RFX2: variants seen among roughly 807,000 people sequenced by gnomAD.
RFX2 encodes regulatory factor X2.
In RFX2, 20 loss-of-function variants were observed where a neutral mutation model predicts 87.8. That is an observed-to-expected ratio of 0.23 (90% CI 0.16 to 0.33). The LOEUF (loss-of-function observed/expected upper bound fraction) is 0.33, where lower values mean the gene tolerates loss of function less well. Among genes scored for constraint, RFX2 ranks in the 10% least tolerant of loss-of-function variants. The pLI, the probability that RFX2 is intolerant of heterozygous loss-of-function variation, is 1.00. For missense variants in RFX2, 767 were observed against 1,012.3 expected (o/e 0.76, Z 3.29); for synonymous variants, 397 against 431.3 (o/e 0.92, Z 0.98).
In RFX2 at chr19:6,001,092, T is replaced by C. The variant is rs1468212005; in HGVS notation, c.1859+723A>G. Among the ~76,000 whole-genome samples the C allele has an allele frequency of 6.6e-6, 1 of 152,194 alleles. No individual in the cohort carries two copies. The highest frequency in any genetic ancestry group is 6.5e-5 in the Admixed American group (1 of 15,274). On this transcript the variant is annotated intron_variant, in intron 15 of 17. Coordinates refer to ENST00000303657, the MANE Select transcript of RFX2 (RefSeq NM_000635.4). The surrounding 1 kb of genome is among the most constrained non-coding windows in gnomAD (Gnocchi z 5.6). ...CTTGGAAATGATTTCCCTTCAGAGC[T>C]CTCAGGACATCGCTCTACTGCCTTC...
intron 6 of RFX2, among the ~76,000 whole-genome samples, chr19:6,025,365 C>T (rs746485177): frequency 5.9e-5 from 9 of 152,152 alleles, no homozygotes; most frequent in African/African-American, 1.2e-4. Context: ...AAATCCTAGA[C>T]GCTAAAATCT....
rs112541629 is a variant in RFX2, at chr19:6,094,675, G to A, written c.-9+15718C>T. 5.5e-3 allele frequency among the ~76,000 whole-genome samples: 838 copies of A among 152,124 alleles called. 9 individuals are homozygous for A. Among genetic ancestry groups the A allele is most frequent in the African/African-American group, 0.019 (789 of 41,478 alleles). ...TGAGCACCTGAAATGGGGCTGGTCC[G>A]AACTAACATTTCTAAGACTTAGCAC... On this transcript the variant is annotated intron_variant, in intron 1 of 17. Coordinates refer to ENST00000303657, the MANE Select transcript of RFX2 (RefSeq NM_000635.4).
At chr19:6,008,332 C>A (rs748485418) in intron 9 of RFX2, 108 bp from the exon 10 acceptor site, 1 of 539,690 alleles carries the variant, frequency 1.9e-6, no homozygotes, top group African/African-American at 1.9e-5. Flanking sequence ...TCTGCCCCAC[C>A]CCATGCAGTC....
At position 6,063,071 on chromosome 19, in the gene RFX2, C is replaced by G. The variant is rs2087460866; in HGVS notation, c.-8-15567G>C. On this transcript the variant is annotated intron_variant, in intron 1 of 17. Transcript: ENST00000303657. The surrounding 1 kb of genome is among the most constrained non-coding windows in gnomAD (Gnocchi z 4.0). Reference sequence around the variant, plus strand: ...CTGCTGTGTCTCGTATCCCTCCTGTCCTGCCGCTCTCGCTCTTGCTCCTAG... The same window carrying G: ...CTGCTGTGTCTCGTATCCCTCCTGTGCTGCCGCTCTCGCTCTTGCTCCTAG... Among the ~76,000 whole-genome samples the G allele has an allele frequency of 6.6e-6, 1 of 152,192 alleles. No homozygotes were observed. Among genetic ancestry groups the G allele is most frequent in the Non-Finnish European group, 1.5e-5 (1 of 68,032 alleles).
At chr19:6,018,969 C>T (rs1281825479) in intron 6 of RFX2, among the ~76,000 whole-genome samples, 2 of 152,236 alleles carry the variant, frequency 1.3e-5, no homozygotes, top group African/African-American at 4.8e-5. Flanking sequence ...TCACCTCCTC[C>T]TCAGCACCAG....
chr19:6,007,270 T>C lies in RFX2; in HGVS notation c.1248-104A>G, dbSNP rs2086596270. Reference sequence around the variant, plus strand: ...GGGCTGCGGGACTTTTGCCCAACAGTGGGGCTGGGGTTTTGCTCCCCATCC... The same window carrying C: ...GGGCTGCGGGACTTTTGCCCAACAGCGGGGCTGGGGTTTTGCTCCCCATCC... On this transcript the variant is annotated intron_variant, in intron 11 of 17. Transcript: ENST00000303657. This position sits in a 1 kb window ranked among gnomAD's most constrained non-coding sequence, Gnocchi z 8.2. 3 of 1,226,514 alleles carry C rather than the reference T, an allele frequency of 2.4e-6. No individual in the cohort carries two copies. The highest frequency in any genetic ancestry group is 2.2e-5 in the Admixed American group (1 of 44,898). 76.0% of individuals were successfully genotyped at this position (1,226,514 alleles called of 1,614,324 possible). A position where few individuals can be genotyped will look rare whatever the true frequency, so the allele number is the denominator to read the frequency against.
chr19:6,106,310 T>C (rs1006605807), intron 1 of RFX2, among the ~76,000 whole-genome samples: 2 of 152,078 alleles, frequency 1.3e-5, no homozygotes, highest in Non-Finnish European at 2.9e-5. Context: ...TATGTCTACA[T>C]GAGAGAACAT....
intron 1 of RFX2, among the ~76,000 whole-genome samples, chr19:6,102,369 T>G (rs1050146051): frequency 6.6e-6 from 1 of 152,204 alleles, no homozygotes; most frequent in Non-Finnish European, 1.5e-5. Flanking sequence ...AAATAGGCAA[T>G]GAATAAATGA....
intron 1 of RFX2, among the ~76,000 whole-genome samples, chr19:6,071,817 C>T (rs747142209): frequency 3.3e-5 from 5 of 152,178 alleles, no homozygotes; most frequent in African/African-American, 7.2e-5. Flanking sequence ...CAATTTAATA[C>T]AAAAGCTTGA....
In RFX2 at chr19:6,040,646, C is replaced by T. The variant is rs1004437246; in HGVS notation, c.261-405G>A. ...TGGTGGTGCGTGCCGGTAGTCCCAG[C>T]TACTCAGGAGGCTGAGGTGGGAGGA... On this transcript the variant is annotated intron_variant, in intron 4 of 17. Transcript: ENST00000303657. This position sits in a 1 kb window ranked among gnomAD's most constrained non-coding sequence, Gnocchi z 6.1. Among the ~76,000 whole-genome samples the T allele has an allele frequency of 1.2e-4, 18 of 152,136 alleles. No homozygotes were observed. The highest frequency in any genetic ancestry group is 2.9e-5 in the Non-Finnish European group (2 of 68,024).
At chr19:6,070,238 T>C (rs2087586297) in intron 1 of RFX2, among the ~76,000 whole-genome samples, 1 of 150,170 alleles carries the variant, frequency 6.7e-6, no homozygotes, top group Non-Finnish European at 1.5e-5. Flanking sequence ...TGGGATGGGA[T>C]GGGATGTGGA....
At chr19:6,031,423 CTTT>C (rs58834364) in intron 5 of RFX2, among the ~76,000 whole-genome samples, 4 of 90,178 alleles carry the variant, frequency 4.4e-5, no homozygotes, top group African/African-American at 1.7e-4. Context: ...TTCTCCTTCC[CTTT>C]TTTTTTTTTT....
Position 6,002,948 on chromosome 19 carries a change from G to A in RFX2, c.1501-78C>T. 6.8e-7 allele frequency: 1 copy of A among 1,480,290 alleles called. No homozygotes were observed. The highest frequency in any genetic ancestry group is 2.4e-5 in the East Asian group (1 of 41,574). 91.7% of individuals were successfully genotyped at this position (1,480,290 alleles called of 1,614,324 possible). A position where few individuals can be genotyped will look rare whatever the true frequency, so the allele number is the denominator to read the frequency against. On this transcript the variant is annotated intron_variant, in intron 13 of 17. Transcript: ENST00000303657. The surrounding 1 kb of genome is among the most constrained non-coding windows in gnomAD (Gnocchi z 6.7). Reference sequence around the variant, plus strand: ...CTGCGCTCCTTGCAGGGGTGTGTGGGCTCAGGGACAACACAGGGAGGAGGG... The same window carrying A: ...CTGCGCTCCTTGCAGGGGTGTGTGGACTCAGGGACAACACAGGGAGGAGGG...
chr19:6,062,590 C>T (rs1356284526), intron 1 of RFX2, among the ~76,000 whole-genome samples: 3 of 152,192 alleles, frequency 2.0e-5, no homozygotes, highest in African/African-American at 7.2e-5. Flanking sequence ...CTTCCCCAAC[C>T]CCATGCCAAA....
chr19:6,042,075 C>A lies in RFX2; in HGVS notation c.229G>T (p.Gly77Trp). 6.2e-7 allele frequency: 1 copy of A among 1,614,064 alleles called. No homozygotes were observed. ...VYPAQVQYVEGGDAVYTNGAI... is the reference protein window; with the variant it reads ...VYPAQVQYVEWGDAVYTNGAI... ...CCATTGGTGTAGACGGCGTCTCCCC[C>A]TTCCACGTACTGCACCTGGGCAGGA... The change falls in exon 4 of 18, where the codon GGG becomes TGG. Residue 77 changes from glycine (G) to tryptophan (W), a missense_variant. Gly to Trp is a radical substitution (Grantham distance 184). Coordinates refer to ENST00000303657, the MANE Select transcript of RFX2 (RefSeq NM_000635.4).
rs748183377 is a variant in RFX2, at chr19:5,994,809, C to A, written c.*26G>T. 8.4e-6 allele frequency: 12 copies of A among 1,424,348 alleles called. No homozygotes were observed. Among genetic ancestry groups the A allele is most frequent in the Middle Eastern group, 1.9e-4 (1 of 5,322 alleles). The allele number at this position is 1,424,348 out of a possible 1,614,324, so 88.2% of individuals were successfully genotyped here. A position where few individuals can be genotyped will look rare whatever the true frequency, so the allele number is the denominator to read the frequency against. The stretch of plus-strand genomic sequence containing the variant: ...AGTGACCAGGCGGCATCTTTTGGAA[C>A]CTCGAGGAGGCGCCGGCCGGGGCTG... On this transcript the variant is annotated 3_prime_UTR_variant, in exon 18 of 18. Coordinates refer to ENST00000303657, the MANE Select transcript of RFX2 (RefSeq NM_000635.4).
rs2086817532 is a variant in RFX2, at chr19:6,021,941, G to A, written c.597+4222C>T. Among the ~76,000 whole-genome samples, 2 of 152,168 alleles carry A rather than the reference G, an allele frequency of 1.3e-5. No individual in the cohort carries two copies. The stretch of plus-strand genomic sequence containing the variant: ...ATCCACAGGGACAGTGGCGGCTCGG[G>A]AAGTAGTCGAAGTGGAGGAGGTGGG... On this transcript the variant is annotated intron_variant, in intron 6 of 17. Transcript: ENST00000303657. This position sits in a 1 kb window ranked among gnomAD's most constrained non-coding sequence, Gnocchi z 5.7.
chr19:6,097,579 T>TTTA (rs2088048153), intron 1 of RFX2, among the ~76,000 whole-genome samples: 1 of 150,570 alleles, frequency 6.6e-6, no homozygotes, highest in Non-Finnish European at 1.5e-5. Context: ...ATGGCAACCC[T>TTTA]TTATTATTAT....
Position 6,110,213 on chromosome 19 carries a change from C to G in RFX2, c.-9+180G>C, listed in dbSNP as rs10425519. Among the ~76,000 whole-genome samples the G allele has an allele frequency of 8.0e-6, 1 of 124,372 alleles. No individual in the cohort carries two copies. The allele number at this position is 124,372 out of a possible 152,430, so 81.6% of individuals were successfully genotyped here. On this transcript the variant is annotated intron_variant, in intron 1 of 17. Coordinates refer to ENST00000303657, the MANE Select transcript of RFX2 (RefSeq NM_000635.4). The surrounding 1 kb of genome is among the most constrained non-coding windows in gnomAD (Gnocchi z 4.3). Reference sequence around the variant, plus strand: ...AGGAAAGTGGGGACGTCGCCAGGGTCCCCCCAAACTCCGCCGCGCGCGCGG... The same window carrying G: ...AGGAAAGTGGGGACGTCGCCAGGGTGCCCCCAAACTCCGCCGCGCGCGCGG...
Sources: gnomAD v4.1 joint callset for allele counts (sites outside exome capture counted in the v4.1 genomes callset) on GRCh38, gnomAD v4.1.1 for gene constraint, Gnocchi (gnomAD v3.1) non-coding constraint, MANE v1.5 for transcripts, NCBI Gene and HGNC (gene_info 2026-07-23, HGNC 2026-07-21) for gene names.